SPECC1: variants seen among roughly 807,000 people sequenced by gnomAD.
SPECC1 encodes the protein sperm antigen with calponin homology and coiled-coil domains 1.
In SPECC1, 62 loss-of-function variants were observed where a neutral mutation model predicts 104.1. The observed-to-expected ratio is 0.60, with a 90% CI of 0.49 to 0.74. The LOEUF (loss-of-function observed/expected upper bound fraction) is 0.74. Ranked by LOEUF, SPECC1 falls within the 30% of genes least tolerant of loss-of-function variation. The pLI is 0.00. For synonymous variants in SPECC1, 513 were observed against 501.6 expected, an observed-to-expected ratio of 1.02 and a Z score of -0.30; for missense variants, 1,306 against 1,310.5, an observed-to-expected ratio of 1.00 and a Z score of 0.05.
chr17:20,099,877 G>C (rs756593352), intron 2 of SPECC1, among the ~76,000 whole-genome samples: 1 of 151,922 alleles, frequency 6.6e-6, no homozygotes, highest in African/African-American at 2.4e-5. Context: ...GTCATTCCTT[G>C]GTATCCTTGG....
chr17:20,013,565 G>A (rs965464782), intron 1 of SPECC1, among the ~76,000 whole-genome samples: 8 of 151,994 alleles, frequency 5.3e-5, no homozygotes, highest in African/African-American at 7.3e-5. Flanking sequence ...GCAGTGGCAC[G>A]ATCTCCGCTC....
intron 1 of SPECC1, among the ~76,000 whole-genome samples, chr17:20,059,406 G>A (rs1346160774): frequency 6.6e-6 from 1 of 152,124 alleles, no homozygotes; most frequent in Non-Finnish European, 1.5e-5. Flanking sequence ...GACGGGAGGT[G>A]AAGCCCAGGT....
At chr17:20,034,506 C>A (rs964320895) in intron 1 of SPECC1, among the ~76,000 whole-genome samples, 7 of 152,066 alleles carry the variant, frequency 4.6e-5, no homozygotes. Context: ...GCTGGAATTA[C>A]AGGCATGAGC....
chr17:20,277,885 T>C (rs1438570652), intron 12 of SPECC1, among the ~76,000 whole-genome samples: 6 of 152,220 alleles, frequency 3.9e-5, no homozygotes, highest in South Asian at 2.1e-4. Context: ...GGCCCACTTA[T>C]GTTGTGGCGT....
chr17:20,048,970 A>C (rs1158971906), intron 1 of SPECC1, among the ~76,000 whole-genome samples: 1 of 152,180 alleles, frequency 6.6e-6, no homozygotes. Context: ...CAGTATATAA[A>C]ATTCAACATG....
intron 3 of SPECC1, among the ~76,000 whole-genome samples, chr17:20,194,502 A>ATTTTTTTTTTTTTTTTTTTTTTTTTTT (rs1209589252): frequency 9.2e-5 from 8 of 86,530 alleles, no homozygotes; most frequent in African/African-American, 1.1e-4. Flanking sequence ...AAGAGAACGA[A>ATTTTTTTTTTTTTTTTTTTTTTTTTTT]TTTTTTTTTT....
chr17:20,169,152 C>T (rs1348827373), intron 3 of SPECC1, among the ~76,000 whole-genome samples: 1 of 152,192 alleles, frequency 6.6e-6, no homozygotes, highest in African/African-American at 2.4e-5. Flanking sequence ...AGATTATAGG[C>T]GTGAGCCACT....
intron 3 of SPECC1, among the ~76,000 whole-genome samples, chr17:20,135,480 C>G (rs1345108439): frequency 3.3e-5 from 5 of 152,176 alleles, no homozygotes; most frequent in African/African-American, 1.2e-4. Context: ...GAGACAGGGT[C>G]TTGCTGTGTC....
chr17:20,112,122 T>C, intron 3 of SPECC1: 1 of 763,864 alleles, frequency 1.3e-6, no homozygotes, highest in Non-Finnish European at 2.4e-6. Flanking sequence ...GGCGGTACTT[T>C]ACAACCACAC....
At chr17:20,128,496 T>C (rs528974774) in intron 3 of SPECC1, among the ~76,000 whole-genome samples, 134 of 152,334 alleles carry the variant, frequency 8.8e-4, no homozygotes, top group Non-Finnish European at 1.5e-3. Flanking sequence ...GCCCCTCATA[T>C]TTGCAAGGCT....
chr17:20,217,988 T>G (rs1198302556), intron 4 of SPECC1, among the ~76,000 whole-genome samples: 1 of 152,102 alleles, frequency 6.6e-6, no homozygotes, highest in Non-Finnish European at 1.5e-5. Context: ...CCCGTGATCG[T>G]GCCACTGTGC....
intron 1 of SPECC1, among the ~76,000 whole-genome samples, chr17:20,052,171 C>T (rs1163773178): frequency 6.6e-6 from 1 of 152,166 alleles, no homozygotes; most frequent in African/African-American, 2.4e-5. Context: ...GTTTCAATAT[C>T]ATGTGCCTAG....
chr17:20,304,009 C>T (rs984804052), intron 13 of SPECC1, among the ~76,000 whole-genome samples: 1 of 149,570 alleles, frequency 6.7e-6, no homozygotes, highest in African/African-American at 2.5e-5. Context: ...CCATAGCTCA[C>T]ACCTGTAATC....
At chr17:20,097,354 GC>G (rs1271371583) in intron 2 of SPECC1, among the ~76,000 whole-genome samples, 14 of 152,326 alleles carry the variant, frequency 9.2e-5, no homozygotes, top group Admixed American at 5.9e-4. Context: ...AAAGCCTAGT[GC>G]CTCCTTAGCT....
At chr17:20,038,403 C>CTTTTTTTTTTTTTTT (rs10718870) in intron 1 of SPECC1, among the ~76,000 whole-genome samples, 1 of 99,350 alleles carries the variant, frequency 1.0e-5, no homozygotes, top group Admixed American at 1.1e-4. Context: ...TTTTGATATT[C>CTTTTTTTTTTTTTTT]TTTTTTTTTT....
chr17:20,194,502 A>ATTATTTTTTTTTTTTTATTTTTT lies in SPECC1; in HGVS notation c.284-9829_284-9828insATTTTTTTTTTTTTATTTTTTTT. Reference sequence around the variant, plus strand: ...TGTGTTCTGTTAGAAAAGAGAACGAATTTTTTTTTTTTTTTTTTTTTTTGA... The same window carrying ATTATTTTTTTTTTTTTATTTTTT: ...TGTGTTCTGTTAGAAAAGAGAACGAATTATTTTTTTTTTTTTATTTTTTTTTTTTTTTTTTTTTTTTTTTTTGA... On this transcript the variant is annotated intron_variant, in intron 3 of 14. Transcript: ENST00000395527. 5.8e-5 allele frequency among the ~76,000 whole-genome samples: 5 copies of ATTATTTTTTTTTTTTTATTTTTT among 86,534 alleles called. 1 individual carries two copies. In the South Asian group the frequency reaches 2.1e-3, roughly 36 times the overall value. 56.8% of individuals were successfully genotyped at this position (86,534 alleles called of 152,430 possible).
intron 2 of SPECC1, among the ~76,000 whole-genome samples, chr17:20,107,813 A>T (rs2048306764): frequency 6.6e-6 from 1 of 152,134 alleles, no homozygotes; most frequent in South Asian, 2.1e-4. Flanking sequence ...GGCATGAGCC[A>T]CTGCGCTCGA....
chr17:20,083,705 G>C (rs2047068798), intron 1 of SPECC1, among the ~76,000 whole-genome samples: 1 of 152,222 alleles, frequency 6.6e-6, no homozygotes, highest in Non-Finnish European at 1.5e-5. Context: ...ATGAACATTA[G>C]TGTTACAGAT....
At chr17:20,287,802 A>C (rs947778937) in intron 12 of SPECC1, among the ~76,000 whole-genome samples, 4 of 151,778 alleles carry the variant, frequency 2.6e-5, no homozygotes, top group African/African-American at 9.7e-5. Context: ...TCTTTTTTTA[A>C]ATCAACTTTT....
Sources: gnomAD v4.1 joint callset for allele counts (sites outside exome capture counted in the v4.1 genomes callset) on GRCh38, gnomAD v4.1.1 for gene constraint, MANE v1.5 for transcripts, NCBI Gene and HGNC (gene_info 2026-07-23, HGNC 2026-07-21) for gene names.